The following MGA variants were observed in gnomAD, a reference collection of about 807,000 sequenced individuals.
MGA encodes the protein MAX dimerization protein MGA, also known as MAX gene-associated protein.
Under a neutral mutation model 261.1 loss-of-function variants are expected in MGA, and 40 were observed. The observed-to-expected ratio is 0.15, with a 90% CI of 0.12 to 0.20. The LOEUF (loss-of-function observed/expected upper bound fraction) is 0.20. Among genes scored for constraint, MGA ranks in the 10% least tolerant of loss-of-function variants. MGA has a pLI of 1.00. For synonymous variants in MGA, 1,302 were observed against 1,290.6 expected, an observed-to-expected ratio of 1.01 and a Z score of -0.19; for missense variants, 3,397 against 3,630.5, an observed-to-expected ratio of 0.94 and a Z score of 1.65.
intron 2 of MGA, among the ~76,000 whole-genome samples, chr15:41,675,379 TC>T (rs1173760271): frequency 3.3e-5 from 5 of 152,090 alleles, no homozygotes; most frequent in African/African-American, 1.2e-4. Context: ...TTTTCCCCTT[TC>T]TTTTTTTTTG....
chr15:41,650,034 G>T lies in MGA; in HGVS notation c.-67-18794G>T, dbSNP rs1265103773. ...CAAAGTAATTCTTTACTTCCTATGA[G>T]AATTATTCTATGATCCCTCAGTATA... On this transcript the variant is annotated intron_variant, in intron 1 of 8. Coordinates refer to the MGA transcript ENST00000566718. 2.0e-5 allele frequency among the ~76,000 whole-genome samples: 3 copies of T among 152,198 alleles called. No homozygotes were observed. The East Asian group carries it at 5.8e-4, about 29-fold the overall frequency.
chr15:41,628,826 C>A (rs371422202), intron 1 of MGA, among the ~76,000 whole-genome samples: 1 of 152,106 alleles, frequency 6.6e-6, no homozygotes, highest in Admixed American at 6.6e-5. Context: ...TTCAAAACAT[C>A]GCTTTGCTGC....
At chr15:41,741,327 C>A (rs549815529) in intron 14 of MGA, among the ~76,000 whole-genome samples, 1 of 106,706 alleles carries the variant, frequency 9.4e-6, no homozygotes, top group African/African-American at 3.8e-5. Flanking sequence ...AGCCTGGTGA[C>A]AGAGTGAGAC....
chr15:41,707,141 T>C (rs1439163692), intron 5 of MGA, among the ~76,000 whole-genome samples: 1 of 152,236 alleles, frequency 6.6e-6, no homozygotes, highest in Non-Finnish European at 1.5e-5. Context: ...TGAATTTTGC[T>C]CTTTTTTAAT....
At chr15:41,695,261 T>G (rs1176360843) in intron 2 of MGA, among the ~76,000 whole-genome samples, 6 of 151,956 alleles carry the variant, frequency 3.9e-5, no homozygotes, top group African/African-American at 1.5e-4. Flanking sequence ...CAATCTCGGC[T>G]CTCTGCAACC....
At chr15:41,654,271 C>T (rs1416195590) in intron 1 of MGA, among the ~76,000 whole-genome samples, 1 of 152,006 alleles carries the variant, frequency 6.6e-6, no homozygotes, top group East Asian at 1.9e-4. Flanking sequence ...TGGTATATCA[C>T]AGAATAAGGA....
At chr15:41,765,284 A>G (rs926231214) in intron 23 of MGA, among the ~76,000 whole-genome samples, 2 of 152,246 alleles carry the variant, frequency 1.3e-5, no homozygotes, top group African/African-American at 4.8e-5. Context: ...TGTGAACACT[A>G]GTAATTTCTA....
rs373448335 is a variant in MGA at position 41,749,621 on chromosome 15, C to T, written c.6014C>T (p.Ala2005Val). The change falls in exon 17 of 24, where the codon GCT (alanine) becomes GTT (valine). Residue 2005 changes from alanine to valine, a missense_variant. Ala to Val is a moderately conservative substitution (Grantham distance 64). Transcript: ENST00000219905. Reference sequence around the variant, plus strand: ...GAAGGAGAGGCTGTAGACCCTGAGGCTAATGTAATAAAACAAAACTCAGGA... The same window carrying T: ...GAAGGAGAGGCTGTAGACCCTGAGGTTAATGTAATAAAACAAAACTCAGGA... The T allele has an allele frequency of 5.0e-6, 8 of 1,613,738 alleles. No homozygotes were observed. Among genetic ancestry groups the T allele is most frequent in the Non-Finnish European group, 6.8e-6 (8 of 1,179,872 alleles).
At chr15:41,746,194 G>T (rs1390173055) in intron 15 of MGA, among the ~76,000 whole-genome samples, 7 of 152,028 alleles carry the variant, frequency 4.6e-5, no homozygotes, top group Non-Finnish European at 1.0e-4. Context: ...TTAATTTGAA[G>T]AAAAAAGTTG....
Position 41,704,881 on chromosome 15 carries a change from GCTTTAT to G in MGA, c.2189-2840_2189-2835del, listed in dbSNP as rs1479475397. On this transcript the variant is annotated intron_variant, in intron 5 of 23. Transcript: ENST00000219905. ...TGAATCTAAAGGTTATCTCTTTTCAGCTTTATCTTTATGAGTCTTTTTTTGTAATGA... is the reference window on the plus strand; with the variant it reads ...TGAATCTAAAGGTTATCTCTTTTCAGCTTTATGAGTCTTTTTTTGTAATGA... Among the ~76,000 whole-genome samples, 8 of 152,078 alleles carry G rather than the reference GCTTTAT, an allele frequency of 5.3e-5. No individual in the cohort carries two copies. The South Asian group carries it at 6.2e-4, about 12-fold the overall frequency.
chr15:41,631,957 C>T (rs2150554138), intron 1 of MGA, among the ~76,000 whole-genome samples: 1 of 152,030 alleles, frequency 6.6e-6, no homozygotes, highest in South Asian at 2.1e-4. Context: ...ATTGTCTTTA[C>T]ATAGGTTTAT....
At chr15:41,701,739 G>A (rs79674427) in intron 5 of MGA, among the ~76,000 whole-genome samples, 1 of 152,248 alleles carries the variant, frequency 6.6e-6, no homozygotes, top group East Asian at 1.9e-4. Flanking sequence ...AGTTTTTTGG[G>A]CACCTAACTC....
intron 1 of MGA, among the ~76,000 whole-genome samples, chr15:41,639,327 T>C (rs1324696923): frequency 6.6e-6 from 1 of 152,112 alleles, no homozygotes; most frequent in Non-Finnish European, 1.5e-5. Context: ...TTCCTCCCAC[T>C]TTCCATTCAG....
chr15:41,676,433 C>T (rs552560760), intron 2 of MGA, among the ~76,000 whole-genome samples: 10 of 152,290 alleles, frequency 6.6e-5, no homozygotes, highest in African/African-American at 2.2e-4. Context: ...GGATTACAGG[C>T]GTGAGCCACC....
At chr15:41,711,496 TC>T in intron 8 of MGA, 147 bp downstream of exon 8, 1 of 795,150 alleles carries the variant, frequency 1.3e-6, no homozygotes, top group Non-Finnish European at 1.9e-6. Context: ...GGCTATGTCT[TC>T]CCCATTTGTT....
In MGA at chr15:41,696,841, C is replaced by G. The variant is rs982272047; in HGVS notation, c.1831C>G (p.Pro611Ala). Residue 611 changes from proline to alanine, a missense_variant, in exon 3 of 24, where the codon CCT becomes GCT. Around this residue, in one of 9 missense-constraint regions of MGA, gnomAD observed 563 missense variants for 563.6 expected, o/e 1.00. Transcript: ENST00000219905. ...TAATCAGAATGCCTCTCCAAATGTCCCTGGAAAAAGAGGAAGGCCACGAAA... is the reference window on the plus strand; with the variant it reads ...TAATCAGAATGCCTCTCCAAATGTCGCTGGAAAAAGAGGAAGGCCACGAAA... 24 of 1,599,002 alleles carry G rather than the reference C, an allele frequency of 1.5e-5. 1 individual carries two copies. Among genetic ancestry groups the G allele is most frequent in the Middle Eastern group, 3.3e-4 (2 of 6,074 alleles).
At position 41,660,467 on chromosome 15, in the gene MGA, A is replaced by G. The variant is rs1483550387; in HGVS notation, c.-126A>G. ...ACACACGGTGTGCGAACCGAACAGA[A>G]TAACCCGCCCCCAGCGGGATGTGAA... On this transcript the variant is annotated 5_prime_UTR_variant, in exon 1 of 24. Transcript: ENST00000219905. 1 of 152,806 alleles carries G rather than the reference A, an allele frequency of 6.5e-6. No homozygotes were observed. The highest frequency in any genetic ancestry group is 1.9e-4 in the East Asian group (1 of 5,176). 9.5% of individuals were successfully genotyped at this position (152,806 alleles called of 1,614,324 possible).
At chr15:41,740,574 C>T (rs2062035389) in intron 14 of MGA, among the ~76,000 whole-genome samples, 1 of 152,010 alleles carries the variant, frequency 6.6e-6, no homozygotes, top group African/African-American at 2.4e-5. Context: ...AAATAGTTTA[C>T]TATTATACTA....
chr15:41,766,979 C>T lies in MGA; in HGVS notation c.8897C>T (p.Thr2966Ile). The change falls in exon 24 of 24, where the codon ACC (threonine) becomes ATC (isoleucine). Residue 2966 changes from threonine (T) to isoleucine (I), a missense_variant. This residue lies in a region of MGA where 647 missense variants were observed against 642.4 expected (regional missense o/e 1.01). Coordinates refer to ENST00000219905, the MANE Select transcript of MGA (RefSeq NM_001164273.2). Reference sequence around the variant, plus strand: ...CCCGAAAGTGTGTCCTCACCCCCCACCCTACACATGAAGACTGGCTTGGAG... The same window carrying T: ...CCCGAAAGTGTGTCCTCACCCCCCATCCTACACATGAAGACTGGCTTGGAG... 2 of 1,614,014 alleles carry T rather than the reference C, an allele frequency of 1.2e-6. No individual in the cohort carries two copies. The highest frequency in any genetic ancestry group is 1.7e-6 in the Non-Finnish European group (2 of 1,179,882).
Sources: allele counts gnomAD v4.1 joint callset (sites outside exome capture counted in the v4.1 genomes callset), GRCh38; gene constraint gnomAD v4.1.1; regional missense constraint gnomAD v4.1.1; transcripts MANE v1.5; gene names NCBI Gene and HGNC (gene_info 2026-07-23, HGNC 2026-07-21).